The following SULT2B1 variants were observed in gnomAD, a reference collection of about 807,000 sequenced individuals.
SULT2B1 encodes the protein sulfotransferase 2B1.
SULT2B1 carries 16 observed loss-of-function variants against 33.2 expected under a neutral mutation model. The ratio of observed to expected loss-of-function variants is 0.48; its 90% CI spans 0.33 to 0.73. SULT2B1 has a LOEUF of 0.73. SULT2B1 is among the 30% of genes least tolerant of loss of function. SULT2B1 has a pLI of 0.02. For synonymous variants in SULT2B1, 186 were observed against 200.5 expected (o/e 0.93, Z 0.61); for missense variants, 500 against 506.0 (o/e 0.99, Z 0.11).
At chr19:48,572,947 AG>A in intron 1 of SULT2B1, among the ~76,000 whole-genome samples, 1 of 152,212 alleles carries the variant, frequency 6.6e-6, no homozygotes, top group South Asian at 2.1e-4. Flanking sequence ...ACCTGAGGTC[AG>A]GAGTTTGAGA....
intron 1 of SULT2B1, among the ~76,000 whole-genome samples, chr19:48,563,732 AGGTG>A (rs1298943445): frequency 3.3e-5 from 5 of 152,116 alleles, no homozygotes; most frequent in African/African-American, 9.7e-5. Flanking sequence ...TGGGAGGCCG[AGGTG>A]GGTGGATCAC....
chr19:48,576,640 CTTTTTT>C (rs71335805), intron 2 of SULT2B1, among the ~76,000 whole-genome samples: 70 of 116,472 alleles, frequency 6.0e-4, no homozygotes, highest in East Asian at 1.2e-3. Flanking sequence ...AAATTGTATA[CTTTTTT>C]TTTTTTTTTT....
At chr19:48,587,156 T>G in intron 2 of SULT2B1, 73 bp from the exon 3 acceptor site, 1 of 1,118,008 alleles carries the variant, frequency 8.9e-7, no homozygotes, top group Non-Finnish European at 1.3e-6. Flanking sequence ...TAAGTGCTGT[T>G]GTGATTATTC....
At chr19:48,589,677 G>A (rs1973617486) in intron 3 of SULT2B1, among the ~76,000 whole-genome samples, 2 of 152,188 alleles carry the variant, frequency 1.3e-5, no homozygotes, top group South Asian at 4.1e-4. Flanking sequence ...AATCAGGCAA[G>A]GGGGCCGGGC....
intron 1 of SULT2B1, among the ~76,000 whole-genome samples, chr19:48,558,877 G>T (rs1463775623): frequency 6.6e-6 from 1 of 151,558 alleles, no homozygotes; most frequent in Non-Finnish European, 1.5e-5. Context: ...GTTGAGACAG[G>T]GTTTCACCAT....
intron 3 of SULT2B1, among the ~76,000 whole-genome samples, chr19:48,590,349 C>A (rs1172890334): frequency 6.6e-6 from 1 of 152,076 alleles, no homozygotes; most frequent in African/African-American, 2.4e-5. Context: ...TGCCTGTAAT[C>A]CCAGCACTTG....
chr19:48,591,596 C>G lies in SULT2B1; in HGVS notation c.424-13C>G. On this transcript the variant is annotated splice_polypyrimidine_tract_variant and intron_variant, in intron 3 of 6. Transcript: ENST00000201586. ...CTGACGCCTTCTCCCCTCTCCTCACCATCCGCACACAGGTGATCTACATGG... is the reference window on the plus strand; with the variant it reads ...CTGACGCCTTCTCCCCTCTCCTCACGATCCGCACACAGGTGATCTACATGG... 6.2e-7 allele frequency: 1 copy of G among 1,607,458 alleles called. No individual in the cohort carries two copies. Among genetic ancestry groups the G allele is most frequent in the Non-Finnish European group, 8.5e-7 (1 of 1,176,304 alleles).
intron 2 of SULT2B1, among the ~76,000 whole-genome samples, chr19:48,586,234 T>C (rs1288036921): frequency 1.3e-5 from 2 of 151,944 alleles, no homozygotes; most frequent in African/African-American, 4.8e-5. Flanking sequence ...AAAAAATAAA[T>C]AAGTAAAGCA....
chr19:48,579,605 C>CTTTCTTTCTTTCTTTT lies in SULT2B1; in HGVS notation c.214+3525_214+3526insCTTTCTTTCTTTTTTT, dbSNP rs71179013. Among the ~76,000 whole-genome samples the CTTTCTTTCTTTCTTTT allele has an allele frequency of 3.8e-5, 3 of 79,736 alleles. 1 individual carries two copies. The highest frequency in any genetic ancestry group is 6.8e-5 in the Non-Finnish European group (3 of 44,240). The allele number at this position is 79,736 out of a possible 152,430, so 52.3% of individuals were successfully genotyped here. On this transcript the variant is annotated intron_variant, in intron 2 of 6. Transcript: ENST00000201586. ...CCTTTTTCTTTTCTTTTCTTTCTTT[C>CTTTCTTTCTTTCTTTT]TTTTTTTTTTTTTTTTTTGAGACGA...
chr19:48,563,909 A>G (rs1353326566), intron 1 of SULT2B1, among the ~76,000 whole-genome samples: 1 of 150,806 alleles, frequency 6.6e-6, no homozygotes, highest in African/African-American at 2.4e-5. Context: ...GGTTGCAGTG[A>G]GCCAAGTTGA....
chr19:48,599,364 C>A lies in SULT2B1; in HGVS notation c.1056C>A (p.Ser352Arg). 1 of 1,568,842 alleles carries A rather than the reference C, an allele frequency of 6.4e-7. No homozygotes were observed. Among genetic ancestry groups the A allele is most frequent in the South Asian group, 1.2e-5 (1 of 86,164 alleles). ...GACCCAACTCCAGCCCCAGCCCCAG[C>A]CCCGGCCAGGCCTCTGAGACCCCGC... ...EPRPNSSPSPSPGQASETPHP... is the reference protein window; with the variant it reads ...EPRPNSSPSPRPGQASETPHP... The change falls in exon 7 of 7, where the codon AGC becomes AGA. Residue 352 changes from serine (S) to arginine (R), a missense_variant. Ser to Arg is a moderately radical substitution (Grantham distance 110). Coordinates refer to ENST00000201586, the MANE Select transcript of SULT2B1 (RefSeq NM_177973.2). The surrounding 1 kb of genome is among the most constrained non-coding windows in gnomAD (Gnocchi z 4.1).
intron 1 of SULT2B1, chr19:48,575,644 C>T: frequency 4.2e-6 from 1 of 240,096 alleles, no homozygotes; most frequent in Non-Finnish European, 8.0e-6. Flanking sequence ...CCACGCCTGG[C>T]TGATTTTTGT....
intron 2 of SULT2B1, among the ~76,000 whole-genome samples, chr19:48,577,647 A>G (rs1461140830): frequency 6.6e-6 from 1 of 151,970 alleles, no homozygotes; most frequent in East Asian, 1.9e-4. Context: ...TACAGGTGTG[A>G]GCCCGGTCAA....
chr19:48,580,798 C>A (rs1601102296), intron 2 of SULT2B1, among the ~76,000 whole-genome samples: 3 of 151,612 alleles, frequency 2.0e-5, no homozygotes, highest in South Asian at 4.2e-4. Context: ...ATTTTTGTAG[C>A]GATAAGGGTC....
At position 48,557,275 on chromosome 19, in the gene SULT2B1, C is replaced by T. The variant is rs202179570; in HGVS notation, c.71+4952C>T. Among the ~76,000 whole-genome samples the T allele has an allele frequency of 2.0e-5, 3 of 152,018 alleles. No homozygotes were observed. In the East Asian group the frequency reaches 5.8e-4, roughly 29 times the overall value. ...ATATGTGAGATCGGGCTCTGTGGCT[C>T]ATGCCTGTAATCCCAGCACTTTGGG... is the stretch of plus-strand genomic sequence containing the variant. On this transcript the variant is annotated intron_variant, in intron 1 of 6. Coordinates refer to ENST00000201586, the MANE Select transcript of SULT2B1 (RefSeq NM_177973.2).
At chr19:48,592,701 C>A (rs115108651) in intron 4 of SULT2B1, 21 bp from the exon 5 acceptor site, 2 of 1,571,012 alleles carry the variant, frequency 1.3e-6, no homozygotes, top group Non-Finnish European at 1.7e-6. Flanking sequence ...GCCCTCACCC[C>A]ACTTGTCCCT....
chr19:48,580,383 C>T (rs887127514), intron 2 of SULT2B1, among the ~76,000 whole-genome samples: 17 of 151,902 alleles, frequency 1.1e-4, no homozygotes, highest in East Asian at 5.8e-4. Flanking sequence ...CCTCAGCCTC[C>T]GGAGTAGCTG....
rs145957838 is a variant in SULT2B1, at chr19:48,568,216, G to A, written c.72-7725G>A. Among the ~76,000 whole-genome samples, 976 of 150,986 alleles carry A rather than the reference G, an allele frequency of 6.5e-3. 11 individuals carry two copies. The highest frequency in any genetic ancestry group is 0.022 in the African/African-American group (898 of 40,992). On this transcript the variant is annotated intron_variant, in intron 1 of 6. Transcript: ENST00000201586. ...TGAGCCCAGGAGCCGGAGGGTGGAG[G>A]TCGAGGGTGCAGTGAGCCAAGATCA...
intron 2 of SULT2B1, among the ~76,000 whole-genome samples, chr19:48,579,319 G>C (rs1267656276): frequency 1.5e-5 from 2 of 130,058 alleles, no homozygotes; most frequent in Non-Finnish European, 3.1e-5. Context: ...GTCTCGCTCT[G>C]TCGCCCAGGC....
Sources: allele counts gnomAD v4.1 joint callset (sites outside exome capture counted in the v4.1 genomes callset), GRCh38; gene constraint gnomAD v4.1.1; non-coding constraint Gnocchi (gnomAD v3.1); transcripts MANE v1.5; gene names NCBI Gene and HGNC (gene_info 2026-07-23, HGNC 2026-07-21).